Variants in PLCH2 observed in about 807,000 individuals in gnomAD.
The protein encoded by PLCH2 is phospholipase C eta 2.
Under a neutral mutation model 134.7 loss-of-function variants are expected in PLCH2, and 98 were observed. The observed-to-expected ratio is 0.73, with a 90% confidence interval of 0.62 to 0.86. The LOEUF (loss-of-function observed/expected upper bound fraction) is 0.86. PLCH2 is among the 40% of genes least tolerant of loss of function. The pLI is 0.00. For missense variants in PLCH2, 1,994 were observed against 1,986.6 expected (o/e 1.00, Z -0.07); for synonymous variants, 974 against 827.5 (o/e 1.18, Z -3.04).
the PLCH2 span, among the ~76,000 whole-genome samples, chr1:2,417,484 G>A: frequency 6.6e-6 from 1 of 152,166 alleles, no homozygotes; most frequent in Non-Finnish European, 1.5e-5. Flanking sequence ...CACAGGGTGG[G>A]GTTCCCAGGA....
At chr1:2,496,101 T>G (rs1642868498) in intron 13 of PLCH2, among the ~76,000 whole-genome samples, 1 of 151,958 alleles carries the variant, frequency 6.6e-6, no homozygotes, top group Non-Finnish European at 1.5e-5. Flanking sequence ...TCCCCTCACT[T>G]CCATCCCCCA....
chr1:2,454,247 C>A (rs1640378069), intron 2 of PLCH2, among the ~76,000 whole-genome samples: 1 of 152,172 alleles, frequency 6.6e-6, no homozygotes, highest in African/African-American at 2.4e-5. Flanking sequence ...TGGGCCTGGG[C>A]CCTCCAGTTC....
chr1:2,494,060 C>T (rs189682775), intron 11 of PLCH2, among the ~76,000 whole-genome samples: 3 of 152,276 alleles, frequency 2.0e-5, no homozygotes, highest in East Asian at 1.9e-4. Flanking sequence ...TGCAGGCCCA[C>T]GGCTTTGCTG....
At chr1:2,462,295 ACCCCTCTGCCTGACAC>A (rs772980730) in intron 2 of PLCH2, among the ~76,000 whole-genome samples, 8 of 54,404 alleles carry the variant, frequency 1.5e-4, no homozygotes, top group African/African-American at 4.4e-4. Context: ...TCCACCTGAC[ACCCCTCTGCCTGACAC>A]CCCCTCTGCC....
At chr1:2,477,433 T>C (rs1054818475) in intron 1 of PLCH2, among the ~76,000 whole-genome samples, 2 of 152,204 alleles carry the variant, frequency 1.3e-5, no homozygotes, top group African/African-American at 2.4e-5. Context: ...GCCCGGCCAG[T>C]ACTGCCCTTG....
Position 2,498,857 on chromosome 1 carries a change from C to G in PLCH2, c.2434+29C>G. ...AGGCTGGGCCGTGGCTCCGTCACAC[C>G]TGTGATGGAAGTCTGAGGGGGGAGG... On this transcript the variant is annotated intron_variant, in intron 18 of 21. Transcript: ENST00000378486. This position sits in a 1 kb window ranked among gnomAD's most constrained non-coding sequence, Gnocchi z 5.4. 1 of 1,544,672 alleles carries G rather than the reference C, an allele frequency of 6.5e-7. No homozygotes were observed. The highest frequency in any genetic ancestry group is 8.9e-7 in the Non-Finnish European group (1 of 1,123,358).
In PLCH2 at chr1:2,476,577, T is replaced by C. The variant is rs1158341478; in HGVS notation, c.-12T>C. On this transcript the variant is annotated 5_prime_UTR_variant, in exon 1 of 22. Coordinates refer to ENST00000378486, the MANE Select transcript of PLCH2 (RefSeq NM_014638.4). ...GTGGCCTCCGTGAAGCAGGCCCGGC[T>C]GTCGTCAGGCCATGTCTGGTCCATG... 2.0e-6 allele frequency: 3 copies of C among 1,507,768 alleles called. No homozygotes were observed. Among genetic ancestry groups the C allele is most frequent in the Admixed American group, 2.4e-5 (1 of 42,394 alleles). 93.4% of individuals were successfully genotyped at this position (1,507,768 alleles called of 1,614,324 possible). A position where few individuals can be genotyped will look rare whatever the true frequency, so the allele number is the denominator to read the frequency against.
chr1:2,459,275 G>A (rs1640650307), intron 2 of PLCH2, among the ~76,000 whole-genome samples: 1 of 152,064 alleles, frequency 6.6e-6, no homozygotes, highest in South Asian at 2.1e-4. Context: ...GCCCCTTGCA[G>A]CCTTGCCGGT....
chr1:2,504,033 C>T lies in PLCH2; in HGVS notation c.3071C>T (p.Thr1024Ile). ...PGPPPPAAVP[T>I]SSSQGRPPYP... is the part of the protein sequence containing the mutation. ...CCCCCGCCACCAGCGGCTGTCCCCA[C>T]CAGCTCTTCTCAGGGACGGCCCCCA... Residue 1024 changes from threonine to isoleucine, a missense_variant, in exon 22 of 22, where the codon ACC becomes ATC. By Grantham distance (89) the Thr-to-Ile change is moderately conservative. Coordinates refer to ENST00000378486, the MANE Select transcript of PLCH2 (RefSeq NM_014638.4). 1 of 1,541,288 alleles carries T rather than the reference C, an allele frequency of 6.5e-7. No individual in the cohort carries two copies. Among genetic ancestry groups the T allele is most frequent in the Non-Finnish European group, 8.8e-7 (1 of 1,139,614 alleles).
At chr1:2,450,609 G>A (rs1640157517) in intron 2 of PLCH2, among the ~76,000 whole-genome samples, 1 of 67,836 alleles carries the variant, frequency 1.5e-5, no homozygotes, top group Non-Finnish European at 2.7e-5. Context: ...CCCCCCACTC[G>A]GCCTGCCCTC....
upstream of PLCH2, among the ~76,000 whole-genome samples, chr1:2,474,218 G>C (rs2100631692): frequency 6.6e-6 from 1 of 152,212 alleles, no homozygotes; most frequent in Admixed American, 6.5e-5. Context: ...GGCAGCACGT[G>C]GGGAGGGGTT....
At chr1:2,416,655 C>T in the PLCH2 span, among the ~76,000 whole-genome samples, 10 of 152,286 alleles carry the variant, frequency 6.6e-5, no homozygotes, top group Admixed American at 2.0e-4. Context: ...GGGCGGGGCC[C>T]GGCAGCCAGA....
intron 8 of PLCH2, 39 bp from the exon 9 acceptor site, chr1:2,489,168 C>T (rs1642430064): frequency 1.3e-6 from 2 of 1,597,092 alleles, no homozygotes; most frequent in African/African-American, 1.3e-5. Context: ...TCCTCTGAGG[C>T]CCTGGCCTCA....
Position 2,448,641 on chromosome 1 carries a change from C to T in PLCH2, c.115+18012C>T, listed in dbSNP as rs1280915903. Among the ~76,000 whole-genome samples the T allele has an allele frequency of 6.6e-6, 1 of 152,162 alleles. No homozygotes were observed. Among genetic ancestry groups the T allele is most frequent in the Non-Finnish European group, 1.5e-5 (1 of 68,008 alleles). ...CCCCCTACTGTGGCCGTGTGCTCCA[C>T]CCCAGCACCCCCGCCCGAGGCAGGC... is the stretch of plus-strand genomic sequence containing the variant. On this transcript the variant is annotated intron_variant, in intron 2 of 3. Transcript: ENST00000609981. The surrounding 1 kb of genome is among the most constrained non-coding windows in gnomAD (Gnocchi z 4.0).
intron 2 of PLCH2, among the ~76,000 whole-genome samples, chr1:2,436,618 C>A (rs1202131797): frequency 2.0e-5 from 3 of 152,044 alleles, no homozygotes; most frequent in Admixed American, 2.0e-4. Context: ...TCAGTGGTGA[C>A]TCCCCAGGGC....
chr1:2,478,461 C>T lies in PLCH2; in HGVS notation c.125-15C>T. On this transcript the variant is annotated splice_polypyrimidine_tract_variant and intron_variant, in intron 1 of 21. Coordinates refer to ENST00000378486, the MANE Select transcript of PLCH2 (RefSeq NM_014638.4). Reference sequence around the variant, plus strand: ...GCTGTGCCTCCGCTGACAGCCGTGTCTCTCCCGTGTCCAGTGGAGCGGTGC... The same window carrying T: ...GCTGTGCCTCCGCTGACAGCCGTGTTTCTCCCGTGTCCAGTGGAGCGGTGC... 2 of 1,612,070 alleles carry T rather than the reference C, an allele frequency of 1.2e-6. No homozygotes were observed. Among genetic ancestry groups the T allele is most frequent in the Non-Finnish European group, 1.7e-6 (2 of 1,179,406 alleles).
chr1:2,459,854 GT>G (rs758423318), intron 2 of PLCH2, among the ~76,000 whole-genome samples: 86 of 152,388 alleles, frequency 5.6e-4, no homozygotes, highest in Middle Eastern at 3.4e-3. Context: ...GGCGGGCAGT[GT>G]TTGGAGGCCA....
chr1:2,498,692 C>CCAGCCCCACACAGGCGGGA lies in PLCH2; in HGVS notation c.2349+45_2349+46insCAGCCCCACACAGGCGGGA. The CCAGCCCCACACAGGCGGGA allele has an allele frequency of 1.5e-6, 1 of 663,494 alleles. No individual in the cohort carries two copies. The highest frequency in any genetic ancestry group is 2.3e-6 in the Non-Finnish European group (1 of 437,442). 41.1% of individuals were successfully genotyped at this position (663,494 alleles called of 1,614,324 possible). On this transcript the variant is annotated intron_variant, in intron 17 of 21. Coordinates refer to ENST00000378486, the MANE Select transcript of PLCH2 (RefSeq NM_014638.4). The surrounding 1 kb of genome is among the most constrained non-coding windows in gnomAD (Gnocchi z 5.4). ...AGGCGGGAGGGGTGGGAGTTGGGGG[C>CCAGCCCCACACAGGCGGGA]GGGCCGGGCATCGCGATGGGCCCTG...
intron 11 of PLCH2, 131 bp from the exon 12 acceptor site, chr1:2,494,725 T>TGG: frequency 2.1e-6 from 1 of 484,702 alleles, no homozygotes; most frequent in Non-Finnish European, 4.1e-6. Context: ...CCCTCCCGTC[T>TGG]GCCTTACTCC....
Sources: gnomAD v4.1 joint callset for allele counts (sites outside exome capture counted in the v4.1 genomes callset) on GRCh38, gnomAD v4.1.1 for gene constraint, Gnocchi (gnomAD v3.1) non-coding constraint, MANE v1.5 for transcripts, NCBI Gene and HGNC (gene_info 2026-07-23, HGNC 2026-07-21) for gene names.